MAGED2: variants seen among roughly 807,000 people sequenced by gnomAD.
MAGED2 encodes the protein MAGE family member D2.
A neutral mutation model predicts 41.7 loss-of-function variants in MAGED2; 6 were observed. That is an observed-to-expected ratio of 0.14 (90% confidence interval 0.08 to 0.28). MAGED2 has a LOEUF of 0.28. Among genes scored for constraint, MAGED2 ranks in the 10% least tolerant of loss-of-function variants. The pLI is 1.00. For synonymous variants in MAGED2, 146 were observed against 178.2 expected, an observed-to-expected ratio of 0.82 and a Z score of 1.44; for missense variants, 343 against 486.4, an observed-to-expected ratio of 0.71 and a Z score of 2.77.
intron 2 of MAGED2, 85 bp from the exon 3 acceptor site, chrX:54,809,637 A>G (rs763381307): frequency 9.1e-5 from 104 of 1,142,269 alleles, no homozygotes; most frequent in Non-Finnish European, 1.2e-4. Flanking sequence ...TACAGGTCAG[A>G]GAAGTGTGGC....
In MAGED2 at chrX:54,809,825, A is replaced by G; in HGVS notation, c.149A>G (p.Glu50Gly). 8.3e-7 allele frequency: 1 copy of G among 1,199,990 alleles called. No homozygotes were observed. The highest frequency in any genetic ancestry group is 1.8e-5 in the South Asian group (1 of 55,194). Residue 50 changes from glutamate (E) to glycine (G), a missense_variant, in exon 3 of 13, where the codon GAG becomes GGG. By Grantham distance (98) the Glu-to-Gly change is moderately conservative. Around this residue, in one of 3 missense-constraint regions of MAGED2, gnomAD observed 195 missense variants for 221.2 expected, o/e 0.88. Coordinates refer to ENST00000375068, the MANE Select transcript of MAGED2 (RefSeq NM_177433.3). ...PETPKASKALEVSEDVKVSKA... is the reference protein window; with the variant it reads ...PETPKASKALGVSEDVKVSKA... ...ACACCGAAGGCCTCAAAGGCACTGG[A>G]GGTCTCAGAGGATGTGAAGGTCTCA...
In MAGED2 at chrX:54,815,494, GGCAGTGCCA is replaced by G. The variant is rs1749819606; in HGVS notation, c.1637_1645del (p.Ser546_Ser548del). The G allele has an allele frequency of 8.4e-7, 1 of 1,197,164 alleles. No homozygotes were observed. Among genetic ancestry groups the G allele is most frequent in the African/African-American group, 1.7e-5 (1 of 57,300 alleles). On this transcript the variant is annotated inframe_deletion, in exon 12 of 13. Transcript: ENST00000375068. ...AGCTAAAGCCAAAGCCCAAGAGAGT[GGCAGTGCCA>G]GCACTGGTGCCAGTACCAGTACCAA...
At position 54,810,082 on chromosome X, in the gene MAGED2, A is replaced by G. The variant is rs1457878107; in HGVS notation, c.406A>G (p.Thr136Ala). ...VSHVADTKVN[T>A]KAQETEAAPS... The stretch of plus-strand genomic sequence containing the variant: ...CCATGTGGCTGATACAAAGGTCAAT[A>G]CAAAGGCTCAGGAGACTGAGGCTGC... Residue 136 changes from threonine to alanine, a missense_variant, in exon 3 of 13, where the codon ACA (threonine) becomes GCA (alanine). By Grantham distance (58) the Thr-to-Ala change is moderately conservative. Around this residue, in one of 3 missense-constraint regions of MAGED2, gnomAD observed 195 missense variants for 221.2 expected, o/e 0.88. Transcript: ENST00000375068. 2.5e-6 allele frequency: 3 copies of G among 1,208,513 alleles called. No homozygotes were observed. The highest frequency in any genetic ancestry group is 2.2e-5 in the Admixed American group (1 of 45,863).
At chrX:54,813,619 CGTG>C in intron 10 of MAGED2, 69 bp downstream of exon 10, 1 of 889,939 alleles carries the variant, frequency 1.1e-6, no homozygotes, top group East Asian at 3.1e-5. Context: ...GTGATAAAGC[CGTG>C]GTGCATGGAT....
intron 11 of MAGED2, 78 bp from the exon 12 acceptor site, chrX:54,815,170 G>C: frequency 9.1e-7 from 1 of 1,104,234 alleles, no homozygotes; most frequent in Non-Finnish European, 1.2e-6. Context: ...CCTTCTGATG[G>C]TTATTTACAT....
In MAGED2 at chrX:54,809,750, C is replaced by T. The variant is rs774057511; in HGVS notation, c.74C>T (p.Ser25Leu). ...GAAGCTTCAGAAAAGGACAGTAGCTCGATGATGCAGACTCTGTTGACAGTG... is the reference window on the plus strand; with the variant it reads ...GAAGCTTCAGAAAAGGACAGTAGCTTGATGATGCAGACTCTGTTGACAGTG... ...QAEASEKDSS[S>L]MMQTLLTVTQ... is the part of the protein sequence containing the mutation. The change falls in exon 3 of 13, where the codon TCG becomes TTG. Residue 25 changes from serine to leucine, a missense_variant. Ser to Leu is a moderately radical substitution (Grantham distance 145). Coordinates refer to ENST00000375068, the MANE Select transcript of MAGED2 (RefSeq NM_177433.3). 1.3e-5 allele frequency: 16 copies of T among 1,204,426 alleles called. No homozygotes were observed. In the South Asian group the frequency reaches 2.7e-4, roughly 20 times the overall value.
At chrX:54,812,865 G>C in intron 7 of MAGED2, 80 bp from the exon 8 acceptor site, 1 of 728,092 alleles carries the variant, frequency 1.4e-6, no homozygotes, top group Non-Finnish European at 2.1e-6. Context: ...ATCTGGGAGA[G>C]GCTAGCCTAG....
At position 54,811,058 on chromosome X, in the gene MAGED2, G is replaced by A. The variant is rs780220478; in HGVS notation, c.775G>A (p.Ala259Thr). 1 of 1,201,330 alleles carries A rather than the reference G, an allele frequency of 8.3e-7. No individual in the cohort carries two copies. Reference protein sequence around the residue: ...KARRGKARRRAAKLQSSQEPE... With the variant: ...KARRGKARRRTAKLQSSQEPE... The stretch of plus-strand genomic sequence containing the variant: ...CCGTAGGGGCAAGGCTCGCCGTAGA[G>A]CTGCCAAGCTCCAGTCATCCCAAGA... Residue 259 changes from alanine (A) to threonine (T), a missense_variant, in exon 4 of 13, where the codon GCT (alanine) becomes ACT (threonine). This residue lies in a region of MAGED2 where 195 missense variants were observed against 221.2 expected (regional missense o/e 0.88). Transcript: ENST00000375068.
At chrX:54,811,210 AAACTT>A in intron 4 of MAGED2, 35 bp from the exon 5 acceptor site, 1 of 1,204,052 alleles carries the variant, frequency 8.3e-7, no homozygotes, top group Non-Finnish European at 1.1e-6. Flanking sequence ...AGTTTTCTGC[AAACTT>A]GTTTTGGTCT....
rs772488080 is a variant in MAGED2 at position 54,812,329 on chromosome X, C to T, written c.1085+78C>T. ...GCTACTCCTCCTTTGTCCTACTTCC[C>T]CCATCCTCTTAGAGAGTCAGGAAAG... On this transcript the variant is annotated intron_variant, in intron 7 of 12. Coordinates refer to ENST00000375068, the MANE Select transcript of MAGED2 (RefSeq NM_177433.3). The T allele has an allele frequency of 8.8e-5, 53 of 603,268 alleles. No individual in the cohort carries two copies. The Middle Eastern group carries it at 1.7e-3, about 20-fold the overall frequency. 49.7% of individuals were successfully genotyped at this position (603,268 alleles called of 1,213,427 possible). A position where few individuals can be genotyped will look rare whatever the true frequency, so the allele number is the denominator to read the frequency against.
intron 2 of MAGED2, 64 bp downstream of exon 2, chrX:54,809,440 A>C: frequency 9.4e-7 from 1 of 1,065,471 alleles, no homozygotes; most frequent in Non-Finnish European, 1.3e-6. Context: ...GCTGCCCCCA[A>C]GTCCCTTGGC....
intron 6 of MAGED2, 91 bp downstream of exon 6, chrX:54,811,744 T>G (rs1201534331): frequency 1.5e-5 from 10 of 648,225 alleles, no homozygotes; most frequent in Admixed American, 8.2e-5. Context: ...CAAAGAGACC[T>G]GCTAATCCAG....
intron 1 of MAGED2, 144 bp downstream of exon 1, chrX:54,807,946 G>T (rs1389864120): frequency 2.7e-5 from 3 of 111,736 alleles, no homozygotes; most frequent in African/African-American, 9.9e-5. Flanking sequence ...AGGCAATGAG[G>T]ACGACTGAGA....
chrX:54,809,993 C>G lies in MAGED2; in HGVS notation c.317C>G (p.Thr106Ser), dbSNP rs748635209. The change falls in exon 3 of 13, where the codon ACC becomes AGC. Residue 106 changes from threonine (T) to serine (S), a missense_variant. Physicochemically the swap from Thr to Ser is moderately conservative, Grantham distance 58. This residue lies in a region of MAGED2 where 195 missense variants were observed against 221.2 expected (regional missense o/e 0.88). Coordinates refer to ENST00000375068, the MANE Select transcript of MAGED2 (RefSeq NM_177433.3). ...GAAAACAAGAGTCTAGCAGCTGACA[C>G]CAAGAAACAGAATGCTGACCCGCAG... ...AAENKSLAAD[T>S]KKQNADPQAV... 2 of 1,206,396 alleles carry G rather than the reference C, an allele frequency of 1.7e-6. No homozygotes were observed. The highest frequency in any genetic ancestry group is 1.1e-6 in the Non-Finnish European group (1 of 892,601).
Position 54,810,012 on chromosome X carries a change from C to T in MAGED2, c.336C>T (p.Asp112=), listed in dbSNP as rs773614218. 7 of 1,204,193 alleles carry T rather than the reference C, an allele frequency of 5.8e-6. No homozygotes were observed. The highest frequency in any genetic ancestry group is 6.7e-6 in the Non-Finnish European group (6 of 892,249). The change falls in exon 3 of 13, where the codon GAC becomes GAT. Residue 112 remains aspartate (D), a synonymous_variant. Transcript: ENST00000375068. The stretch of plus-strand genomic sequence containing the variant: ...CTGACACCAAGAAACAGAATGCTGA[C>T]CCGCAGGCTGTGACAATGCCTGCCA... ...LAADTKKQNA[D]PQAVTMPATE...
chrX:54,810,990 C>G lies in MAGED2; in HGVS notation c.707C>G (p.Ala236Gly). ...ARRASRTRLA[A>G]WARRALLSLR... The stretch of plus-strand genomic sequence containing the variant: ...AGGGCATCAAGGACTCGGTTGGCTG[C>G]TTGGGCCCGGAGAGCCTTGCTCTCC... The change falls in exon 4 of 13, where the codon GCT becomes GGT. Residue 236 changes from alanine (A) to glycine (G), a missense_variant. Around this residue, in one of 3 missense-constraint regions of MAGED2, gnomAD observed 195 missense variants for 221.2 expected, o/e 0.88. Transcript: ENST00000375068. 8.3e-7 allele frequency: 1 copy of G among 1,202,089 alleles called. No homozygotes were observed.
chrX:54,812,043 G>C, intron 6 of MAGED2, 114 bp from the exon 7 acceptor site: 1 of 494,614 alleles, frequency 2.0e-6, no homozygotes. Context: ...TGTACTTTGT[G>C]CGTATTATCT....
chrX:54,813,957 G>T (rs1334248570), intron 10 of MAGED2, among the ~76,000 whole-genome samples: 2 of 112,533 alleles, frequency 1.8e-5, no homozygotes, highest in African/African-American at 3.2e-5. Flanking sequence ...TTTCCGTAAA[G>T]AAATGACATA....
chrX:54,811,704 A>G (rs1233875134), intron 6 of MAGED2, 51 bp downstream of exon 6: 1 of 906,055 alleles, frequency 1.1e-6, no homozygotes, highest in East Asian at 3.1e-5. Flanking sequence ...CTTGAATTGA[A>G]CAAAAATGTA....
Sources: allele counts gnomAD v4.1 joint callset (sites outside exome capture counted in the v4.1 genomes callset), GRCh38; gene constraint gnomAD v4.1.1; regional missense constraint gnomAD v4.1.1; transcripts MANE v1.5; gene names NCBI Gene and HGNC (gene_info 2026-07-23, HGNC 2026-07-21).